Variants in PRR5L observed in about 807,000 individuals in gnomAD.
The protein encoded by PRR5L is proline-rich protein 5-like.
PRR5L carries 21 observed loss-of-function variants against 36.4 expected under a neutral mutation model. The ratio of observed to expected loss-of-function variants is 0.58; its 90% CI spans 0.41 to 0.83. PRR5L has a LOEUF of 0.83. PRR5L is among the 40% of genes least tolerant of loss of function. The pLI, the probability that PRR5L is intolerant of heterozygous loss-of-function variation, is 0.00. For synonymous variants in PRR5L, 188 were observed against 197.0 expected (o/e 0.95, Z 0.38); for missense variants, 381 against 473.3 (o/e 0.80, Z 1.81).
chr11:36,320,671 G>A (rs534089297), intron 1 of PRR5L, among the ~76,000 whole-genome samples: 1 of 152,318 alleles, frequency 6.6e-6, no homozygotes, highest in African/African-American at 2.4e-5. Flanking sequence ...TACTTGCTTA[G>A]AAAGGCAGAG....
chr11:36,297,338 GTTTAT>G (rs1257826135), intron 1 of PRR5L: 1 of 152,134 alleles, frequency 6.6e-6, no homozygotes, highest in Non-Finnish European at 1.5e-5. Context: ...TTTTTCGTTT[GTTTAT>G]TTTAAATGAT....
chr11:36,298,110 A>G lies in PRR5L; in HGVS notation c.-126+1672A>G, dbSNP rs115219951. Among the ~76,000 whole-genome samples the G allele has an allele frequency of 8.5e-3, 1,293 of 151,396 alleles. 21 individuals carry two copies. The highest frequency in any genetic ancestry group is 0.028 in the African/African-American group (1,152 of 41,218). On this transcript the variant is annotated intron_variant, in intron 1 of 8. Coordinates refer to ENST00000530639, the MANE Select transcript of PRR5L (RefSeq NM_001160167.2). ...CCCTTGAAGCTGGTTGCCTAATAAG[A>G]CTCCTTCCTTAGTTCCCTGGCATCT...
intron 7 of PRR5L, among the ~76,000 whole-genome samples, chr11:36,446,812 C>A (rs1223170558): frequency 6.6e-6 from 1 of 152,186 alleles, no homozygotes; most frequent in African/African-American, 2.4e-5. Flanking sequence ...CCCTGAAAAG[C>A]TCCTAGGGCA....
intron 4 of PRR5L, among the ~76,000 whole-genome samples, chr11:36,420,271 G>A (rs1314936253): frequency 2.0e-5 from 3 of 152,158 alleles, no homozygotes; most frequent in African/African-American, 4.8e-5. Flanking sequence ...TACCTTAAAA[G>A]TTTATTATAT....
At chr11:36,453,114 G>A (rs1451288975) in intron 8 of PRR5L, among the ~76,000 whole-genome samples, 2 of 152,242 alleles carry the variant, frequency 1.3e-5, no homozygotes, top group Admixed American at 6.5e-5. Flanking sequence ...TTTCTCTGTT[G>A]GCATTGCTGG....
chr11:36,368,756 C>T (rs1043483116), intron 1 of PRR5L, among the ~76,000 whole-genome samples: 2 of 152,140 alleles, frequency 1.3e-5, no homozygotes, highest in African/African-American at 4.8e-5. Context: ...ACCATCCTTC[C>T]CAGTACTTTT....
chr11:36,400,958 G>T, intron 1 of PRR5L, 39 bp from the exon 2 acceptor site: 1 of 1,417,170 alleles, frequency 7.1e-7, no homozygotes. Flanking sequence ...GGTGTTCTCA[G>T]GCCAGGAGTT....
At chr11:36,326,028 C>A (rs1316247474) in intron 1 of PRR5L, among the ~76,000 whole-genome samples, 1 of 151,956 alleles carries the variant, frequency 6.6e-6, no homozygotes, top group East Asian at 1.9e-4. Flanking sequence ...AATTATTTTT[C>A]AAAGAATTTG....
chr11:36,329,386 G>A (rs1856696665), intron 1 of PRR5L: 1 of 152,066 alleles, frequency 6.6e-6, no homozygotes, highest in Admixed American at 6.6e-5. Flanking sequence ...GAGAAAAATT[G>A]GAAACATTAA....
chr11:36,388,694 C>CTTTTTTTTTTTTTTTTTT (rs1252535250), intron 1 of PRR5L, among the ~76,000 whole-genome samples: 3 of 112,790 alleles, frequency 2.7e-5, no homozygotes, highest in Non-Finnish European at 5.2e-5. Context: ...TCGGCTCTTT[C>CTTTTTTTTTTTTTTTTTT]TTTCTTTTTT....
intron 1 of PRR5L, chr11:36,379,442 A>G (rs145433349): frequency 1.2e-3 from 180 of 152,354 alleles, no homozygotes; most frequent in African/African-American, 4.2e-3. Context: ...AAAGATCCTT[A>G]CAATGTCTAA....
At chr11:36,449,694 AT>A (rs1858904791) in intron 7 of PRR5L, among the ~76,000 whole-genome samples, 2 of 152,050 alleles carry the variant, frequency 1.3e-5, no homozygotes. Flanking sequence ...ACTCTTAATG[AT>A]TTTTGAACAC....
At chr11:36,349,384 C>A (rs1590466937) in intron 1 of PRR5L, among the ~76,000 whole-genome samples, 1 of 151,906 alleles carries the variant, frequency 6.6e-6, no homozygotes, top group East Asian at 1.9e-4. Flanking sequence ...GTACTTGCCT[C>A]TTTCTGGCAT....
intron 4 of PRR5L, 23 bp downstream of exon 4, chr11:36,419,326 T>C (rs1564943306): frequency 6.2e-7 from 1 of 1,606,898 alleles, no homozygotes; most frequent in Admixed American, 1.7e-5. Flanking sequence ...GATCTGAGCA[T>C]CCATCATTAT....
At chr11:36,376,068 C>A in intron 1 of PRR5L, 2 of 986,518 alleles carry the variant, frequency 2.0e-6, no homozygotes, top group Non-Finnish European at 2.8e-6. Context: ...GAAACGCAAG[C>A]ACGGAGCTCC....
At chr11:36,375,046 C>A (rs1442288099) in intron 1 of PRR5L, among the ~76,000 whole-genome samples, 3 of 152,070 alleles carry the variant, frequency 2.0e-5, no homozygotes, top group African/African-American at 7.2e-5. Context: ...ACCAGCCTGG[C>A]CAACATGGTG....
intron 3 of PRR5L, among the ~76,000 whole-genome samples, chr11:36,409,988 A>G (rs558065180): frequency 1.3e-5 from 2 of 152,308 alleles, no homozygotes; most frequent in South Asian, 4.1e-4. Context: ...GTACCTGGAC[A>G]TAGGTTCATG....
At chr11:36,336,292 G>A (rs1239711901) in intron 1 of PRR5L, among the ~76,000 whole-genome samples, 2 of 152,080 alleles carry the variant, frequency 1.3e-5, no homozygotes, top group African/African-American at 4.8e-5. Context: ...GCAGTGGCAC[G>A]ATCACAGCTC....
chr11:36,430,773 TGGG>T (rs1858476586), intron 4 of PRR5L, among the ~76,000 whole-genome samples: 1 of 152,194 alleles, frequency 6.6e-6, no homozygotes, highest in Admixed American at 6.5e-5. Flanking sequence ...ATGAGGAGCT[TGGG>T]ACTCAGGGAA....
Sources: allele counts gnomAD v4.1 joint callset (sites outside exome capture counted in the v4.1 genomes callset), GRCh38; gene constraint gnomAD v4.1.1; transcripts MANE v1.5; gene names NCBI Gene and HGNC (gene_info 2026-07-23, HGNC 2026-07-21).